Variants in CEACAM8 observed in about 807,000 individuals in gnomAD.
CEACAM8 encodes cell adhesion molecule CEACAM8.
A neutral mutation model predicts 33.4 loss-of-function variants in CEACAM8; 31 were observed. The observed-to-expected ratio is 0.93, with a 90% CI of 0.70 to 1.25. CEACAM8 has a LOEUF of 1.25. Ranked by LOEUF, CEACAM8 falls within the 50% of genes most tolerant of loss-of-function variation. The pLI is 0.00. For synonymous variants in CEACAM8, 138 were observed against 164.5 expected, an observed-to-expected ratio of 0.84 and a Z score of 1.23; for missense variants, 388 against 434.6, an observed-to-expected ratio of 0.89 and a Z score of 0.95.
intron 2 of CEACAM8, among the ~76,000 whole-genome samples, chr19:42,593,233 T>C (rs1298044445): frequency 6.6e-6 from 1 of 152,180 alleles, no homozygotes; most frequent in East Asian, 1.9e-4. Flanking sequence ...CCCAGTTCTT[T>C]AGAGTTTTTC....
Position 42,593,690 on chromosome 19 carries a change from C to T in CEACAM8, c.275G>A (p.Gly92Glu). The change falls in exon 2 of 6, where the codon GGG (glycine) becomes GAG (glutamate). Residue 92 changes from glycine (G) to glutamate (E), a missense_variant. By Grantham distance (98) the Gly-to-Glu change is moderately conservative (BLOSUM62 -2). Transcript: ENST00000244336. ...TGTCTCTCGATTGCTGTATGCAGGC[C>T]CTGGGGTAATCTGTTGATTTGATAT... ...YVISNQQITP[G>E]PAYSNRETIY... is the part of the protein sequence containing the mutation. 1 of 1,613,988 alleles carries T rather than the reference C, an allele frequency of 6.2e-7. No individual in the cohort carries two copies.
intron 5 of CEACAM8, among the ~76,000 whole-genome samples, 158 bp from the exon 6 acceptor site, chr19:42,581,511 C>T (rs1022884075): frequency 1.3e-5 from 2 of 152,138 alleles, no homozygotes; most frequent in African/African-American, 4.8e-5. Flanking sequence ...ATTTTTGGAA[C>T]ACTCATATCG....
intron 4 of CEACAM8, 108 bp downstream of exon 4, chr19:42,588,676 G>T: frequency 1.6e-6 from 2 of 1,221,460 alleles, no homozygotes; most frequent in Non-Finnish European, 2.4e-6. Context: ...GGATTTGCTT[G>T]TGCTGTTGGA....
chr19:42,594,248 C>T (rs1276990275), intron 1 of CEACAM8, among the ~76,000 whole-genome samples: 5 of 152,160 alleles, frequency 3.3e-5, no homozygotes, highest in East Asian at 1.9e-4. Context: ...CTCCTGTCAG[C>T]GCCTGACCTC....
rs1315780107 is a variant in CEACAM8 at position 42,580,426 on chromosome 19, C to G, written c.*968G>C. On this transcript the variant is annotated 3_prime_UTR_variant, in exon 6 of 6. Coordinates refer to ENST00000244336, the MANE Select transcript of CEACAM8 (RefSeq NM_001816.4). ...ATTGGGTGGACTAAAGGATCTCATA[C>G]GTAAAAATTTGGGGTTGACACGATA... 1 of 152,162 alleles carries G rather than the reference C, an allele frequency of 6.6e-6. No individual in the cohort carries two copies. Among genetic ancestry groups the G allele is most frequent in the Non-Finnish European group, 1.5e-5 (1 of 68,040 alleles). 9.4% of individuals were successfully genotyped at this position (152,162 alleles called of 1,614,324 possible).
intron 4 of CEACAM8, 102 bp from the exon 5 acceptor site, chr19:42,583,439 T>C: frequency 1.4e-6 from 1 of 735,234 alleles, no homozygotes; most frequent in Middle Eastern, 2.3e-4. Flanking sequence ...CTACTTGTTT[T>C]TTCAAGGAAT....
chr19:42,581,888 CAAAAAAAAAAAAAA>C (rs71298757), intron 5 of CEACAM8, among the ~76,000 whole-genome samples: 6 of 13,880 alleles, frequency 4.3e-4, no homozygotes, highest in South Asian at 8.6e-3. Context: ...GACTCCGTCT[CAAAAAAAAAAAAAA>C]AAAAAAAAAA....
intron 2 of CEACAM8, among the ~76,000 whole-genome samples, chr19:42,590,231 A>G (rs576898770): frequency 6.6e-6 from 1 of 152,274 alleles, no homozygotes; most frequent in Admixed American, 6.5e-5. Flanking sequence ...AACAGAAATA[A>G]CACAGGGGAG....
rs368554100 is a variant in CEACAM8 at position 42,589,612 on chromosome 19, T to G, written c.548A>C (p.Gln183Pro). Reference protein sequence around the residue: ...NTTYLWWVNGQSLPVSPRLQL... With the variant: ...NTTYLWWVNGPSLPVSPRLQL... ...CAGCCTGGGACTGACCGGGAGACTC[T>G]GACCATTTACCCACCACAGGTAGGT... The change falls in exon 3 of 6, where the codon CAG (glutamine) becomes CCG (proline). Residue 183 changes from glutamine to proline, a missense_variant. Physicochemically the swap from Gln to Pro is moderately conservative, Grantham distance 76. Transcript: ENST00000244336. The G allele has an allele frequency of 1.7e-5, 27 of 1,614,244 alleles. No homozygotes were observed. The African/African-American group carries it at 3.2e-4, about 19-fold the overall frequency.
Position 42,594,888 on chromosome 19 carries a change from T to C in CEACAM8, c.-60A>G. 1 of 1,546,518 alleles carries C rather than the reference T, an allele frequency of 6.5e-7. No homozygotes were observed. Among genetic ancestry groups the C allele is most frequent in the Admixed American group, 1.8e-5 (1 of 54,722 alleles). ...ATGAGCCTGGGATCCAGAAACTTTCTGAGCACGGCTGTCAGCTGTGCTGTC... is the reference window on the plus strand; with the variant it reads ...ATGAGCCTGGGATCCAGAAACTTTCCGAGCACGGCTGTCAGCTGTGCTGTC... On this transcript the variant is annotated 5_prime_UTR_variant, in exon 1 of 6. Coordinates refer to ENST00000244336, the MANE Select transcript of CEACAM8 (RefSeq NM_001816.4).
At chr19:42,585,308 T>C (rs1446710639) in intron 4 of CEACAM8, among the ~76,000 whole-genome samples, 8 of 108,682 alleles carry the variant, frequency 7.4e-5, no homozygotes, top group Non-Finnish European at 1.3e-4. Context: ...TCTTTCTCTC[T>C]CTCTCAAAAA....
Position 42,589,654 on chromosome 19 carries a change from G to T in CEACAM8, c.506C>A (p.Pro169His), listed in dbSNP as rs929281282. The change falls in exon 3 of 6, where the codon CCT (proline) becomes CAT (histidine). Residue 169 changes from proline (P) to histidine (H), a missense_variant. Pro to His is a moderately conservative substitution (Grantham distance 77). Transcript: ENST00000244336. The part of the protein sequence containing the change: ...DKDAVAFTCE[P>H]ETQNTTYLWW... ...CAGGTAGGTTGTGTTCTGAGTCTCA[G>T]GTTCACAGGTGAAGGCCACAGCATC... 1.3e-5 allele frequency: 21 copies of T among 1,614,238 alleles called. No individual in the cohort carries two copies. The highest frequency in any genetic ancestry group is 1.7e-5 in the Non-Finnish European group (20 of 1,180,038).
intron 2 of CEACAM8, among the ~76,000 whole-genome samples, chr19:42,592,103 A>T (rs567148472): frequency 3.3e-5 from 5 of 152,232 alleles, no homozygotes; most frequent in African/African-American, 1.2e-4. Context: ...TGAGCTTTGG[A>T]TGCTCAGGAA....
chr19:42,589,175 C>A, intron 3 of CEACAM8, 137 bp from the exon 4 acceptor site: 1 of 1,121,996 alleles, frequency 8.9e-7, no homozygotes, highest in Non-Finnish European at 1.3e-6. Flanking sequence ...ACCAAACCCC[C>A]GCTGTTTCTA....
intron 5 of CEACAM8, among the ~76,000 whole-genome samples, chr19:42,581,934 T>C (rs1371829366): frequency 9.3e-6 from 1 of 107,268 alleles, no homozygotes; most frequent in Non-Finnish European, 1.8e-5. Context: ...TATATATATA[T>C]ATATATATAT....
chr19:42,581,554 T>C (rs909733591), intron 5 of CEACAM8, among the ~76,000 whole-genome samples: 3 of 152,064 alleles, frequency 2.0e-5, no homozygotes, highest in African/African-American at 7.2e-5. Context: ...TTAGAGAAGG[T>C]TTAGCACCAC....
At position 42,592,756 on chromosome 19, in the gene CEACAM8, C is replaced by T. The variant is rs573759506; in HGVS notation, c.424+785G>A. 1.1e-4 allele frequency among the ~76,000 whole-genome samples: 16 copies of T among 152,242 alleles called. No individual in the cohort carries two copies. In the East Asian group the frequency reaches 1.2e-3, roughly 11 times the overall value. On this transcript the variant is annotated intron_variant, in intron 2 of 5. Coordinates refer to ENST00000244336, the MANE Select transcript of CEACAM8 (RefSeq NM_001816.4). ...AGAGGAGGCGCTCACACAAACAGCA[C>T]GGGTTATTATTTGCCTCCATGAGAG...
Position 42,593,894 on chromosome 19 carries a change from A to G in CEACAM8, c.71T>C (p.Leu24Pro), listed in dbSNP as rs1168011184. 1.9e-6 allele frequency: 3 copies of G among 1,586,600 alleles called. No individual in the cohort carries two copies. In the Admixed American group the frequency reaches 5.2e-5, roughly 28 times the overall value. ...PWQGLLLTASLFTFWNPPTTA... is the reference protein window; with the variant it reads ...PWQGLLLTASPFTFWNPPTTA... ...GGTGGGCGGGTTCCAGAAGGTGAAA[A>G]GTGAGGCTAGGAGGGGGAGAGAGCA... Residue 24 changes from leucine to proline, a missense_variant, in exon 2 of 6, where the codon CTT becomes CCT. By Grantham distance (98) the Leu-to-Pro change is moderately conservative. Transcript: ENST00000244336.
At chr19:42,581,944 T>TATATATATATATATATATATATAA (rs2042267891) in intron 5 of CEACAM8, among the ~76,000 whole-genome samples, 2 of 101,050 alleles carry the variant, frequency 2.0e-5, no homozygotes, top group African/African-American at 8.1e-5. Context: ...TATATATATA[T>TATATATATATATATATATATATAA]ATAAAATAAG....
Sources: gnomAD v4.1 joint callset for allele counts (sites outside exome capture counted in the v4.1 genomes callset) on GRCh38, gnomAD v4.1.1 for gene constraint, MANE v1.5 for transcripts, NCBI Gene and HGNC (gene_info 2026-07-23, HGNC 2026-07-21) for gene names.